CNOT4: variants seen among roughly 807,000 people sequenced by gnomAD.
CNOT4 encodes the protein CCR4-associated factor 4.
In CNOT4, 8 loss-of-function variants were observed where a neutral mutation model predicts 73.8. The observed-to-expected ratio is 0.11, with a 90% CI of 0.06 to 0.20. The LOEUF (loss-of-function observed/expected upper bound fraction) is 0.20, where lower values mean the gene tolerates loss of function less well. Among genes scored for constraint, CNOT4 ranks in the 10% least tolerant of loss-of-function variants. The pLI, the probability that CNOT4 is intolerant of heterozygous loss-of-function variation, is 1.00. For synonymous variants in CNOT4, 293 were observed against 321.1 expected (o/e 0.91, Z 0.94); for missense variants, 564 against 883.4 (o/e 0.64, Z 4.58).
intron 3 of CNOT4, among the ~76,000 whole-genome samples, chr7:135,420,074 C>CT (rs1554431748): frequency 2.6e-5 from 4 of 151,986 alleles, no homozygotes; most frequent in African/African-American, 9.7e-5. Flanking sequence ...ATCACATACC[C>CT]AAAGAGGTAG....
In CNOT4 at chr7:135,413,599, T is replaced by C. The variant is rs1461024699; in HGVS notation, c.576A>G (p.Thr192=). The change falls in exon 6 of 12, where the codon ACA becomes ACG. Residue 192 remains threonine (T), a synonymous_variant. Coordinates refer to ENST00000541284, the MANE Select transcript of CNOT4 (RefSeq NM_001190850.2). ...DGRTLKASLG[T]TKYCSYFLKN... is the part of the protein sequence containing the mutation. ...TTAAGAAGTAACTGCAGTATTTTGT[T>C]GTACCTAGAGATGCCTGCAGGAGGA... is the stretch of plus-strand genomic sequence containing the variant. 2.5e-6 allele frequency: 4 copies of C among 1,610,900 alleles called. No homozygotes were observed. In the African/African-American group the frequency reaches 5.4e-5, roughly 22 times the overall value.
At chr7:135,503,233 G>A (rs1410956018) in intron 1 of CNOT4, among the ~76,000 whole-genome samples, 1 of 152,150 alleles carries the variant, frequency 6.6e-6, no homozygotes, top group Non-Finnish European at 1.5e-5. Flanking sequence ...GGGAGGCTGA[G>A]ATAAGAGGAT....
At chr7:135,467,561 A>G (rs1299321388) in intron 1 of CNOT4, among the ~76,000 whole-genome samples, 47 of 152,112 alleles carry the variant, frequency 3.1e-4, no homozygotes, top group Non-Finnish European at 4.4e-5. Context: ...AATAAAAAAT[A>G]AATTAGCTGA....
chr7:135,438,920 T>G (rs1799314405), intron 1 of CNOT4, among the ~76,000 whole-genome samples: 1 of 152,014 alleles, frequency 6.6e-6, no homozygotes, highest in Admixed American at 6.6e-5. Context: ...TCAGAAAAAC[T>G]CGGATGCCAT....
intron 2 of CNOT4, among the ~76,000 whole-genome samples, chr7:135,433,723 C>G (rs1433343359): frequency 1.3e-5 from 2 of 152,116 alleles, no homozygotes; most frequent in African/African-American, 4.8e-5. Flanking sequence ...AATAATAATA[C>G]TTCTGTTGAA....
intron 1 of CNOT4, among the ~76,000 whole-genome samples, chr7:135,483,960 A>C (rs1435971803): frequency 6.6e-6 from 1 of 152,090 alleles, no homozygotes; most frequent in African/African-American, 2.4e-5. Context: ...TTGGGAGGCC[A>C]AGGTAGGCGG....
intron 1 of CNOT4, among the ~76,000 whole-genome samples, chr7:135,462,524 C>CA (rs1274695358): frequency 6.6e-6 from 1 of 152,200 alleles, no homozygotes. Context: ...CCGCATGTCA[C>CA]AAAGACCCTT....
rs1226013531 is a variant in CNOT4, at chr7:135,509,982, T to C, written c.-186A>G. On this transcript the variant is annotated 5_prime_UTR_variant, in exon 1 of 12. Transcript: ENST00000541284. The stretch of plus-strand genomic sequence containing the variant: ...GAACGAGCGTCGGGGAAAAAACTCT[T>C]CAGAACCGGGCCTGATTGCTTCAGC... 8 of 398,912 alleles carry C rather than the reference T, an allele frequency of 2.0e-5. No homozygotes were observed. The highest frequency in any genetic ancestry group is 3.5e-5 in the Non-Finnish European group (8 of 226,122). The allele number at this position is 398,912 out of a possible 1,614,324, so 24.7% of individuals were successfully genotyped here. A position where few individuals can be genotyped will look rare whatever the true frequency, so the allele number is the denominator to read the frequency against.
At chr7:135,446,327 G>A (rs569925316) in intron 1 of CNOT4, among the ~76,000 whole-genome samples, 7 of 152,114 alleles carry the variant, frequency 4.6e-5, no homozygotes, top group Non-Finnish European at 1.0e-4. Context: ...AAAAATTTCT[G>A]GAAACAGACA....
rs558009303 is a variant in CNOT4, at chr7:135,444,439, T to A, written c.-92-6016A>T. On this transcript the variant is annotated intron_variant, in intron 1 of 11. Coordinates refer to ENST00000541284, the MANE Select transcript of CNOT4 (RefSeq NM_001190850.2). ...TGGAATATTAGAATATATTCAGTCA[T>A]CCTCAGGAACGAGATGGCGGTTCTC... 73 of 766,868 alleles carry A rather than the reference T, an allele frequency of 9.5e-5. 1 individual carries two copies. The East Asian group carries it at 1.7e-3, about 18-fold the overall frequency. The allele number at this position is 766,868 out of a possible 1,614,324, so 47.5% of individuals were successfully genotyped here. A position where few individuals can be genotyped will look rare whatever the true frequency, so the allele number is the denominator to read the frequency against.
At chr7:135,401,828 A>C (rs1280669097) in intron 7 of CNOT4, among the ~76,000 whole-genome samples, 1 of 152,206 alleles carries the variant, frequency 6.6e-6, no homozygotes, top group Non-Finnish European at 1.5e-5. Flanking sequence ...TCACTCATAC[A>C]ATGAAACTGT....
At chr7:135,477,380 G>T (rs552165550) in intron 1 of CNOT4, among the ~76,000 whole-genome samples, 1 of 152,024 alleles carries the variant, frequency 6.6e-6, no homozygotes, top group African/African-American at 2.4e-5. Context: ...TTACTCACTG[G>T]ATGATCAGAA....
In CNOT4 at chr7:135,362,512, C is replaced by G. The variant is rs1470769833; in HGVS notation, c.*373G>C. 1 of 356,292 alleles carries G rather than the reference C, an allele frequency of 2.8e-6. No homozygotes were observed. The highest frequency in any genetic ancestry group is 5.4e-6 in the Non-Finnish European group (1 of 186,216). The allele number at this position is 356,292 out of a possible 1,614,324, so 22.1% of individuals were successfully genotyped here. A position where few individuals can be genotyped will look rare whatever the true frequency, so the allele number is the denominator to read the frequency against. ...ACTTCTGCAGTTGATAATGCATTTACTTGAGCTTTCCTATAGATTAATCGT... is the reference window on the plus strand; with the variant it reads ...ACTTCTGCAGTTGATAATGCATTTAGTTGAGCTTTCCTATAGATTAATCGT... On this transcript the variant is annotated 3_prime_UTR_variant, in exon 12 of 12. Transcript: ENST00000541284.
Position 135,363,332 on chromosome 7 carries a change from A to AACCCC in CNOT4, c.1841-147_1841-146insGGGGT. 1 of 713,020 alleles carries AACCCC rather than the reference A, an allele frequency of 1.4e-6. No individual in the cohort carries two copies. The highest frequency in any genetic ancestry group is 2.3e-6 in the Non-Finnish European group (1 of 431,940). 44.2% of individuals were successfully genotyped at this position (713,020 alleles called of 1,614,324 possible). On this transcript the variant is annotated intron_variant, in intron 11 of 11. Coordinates refer to ENST00000541284, the MANE Select transcript of CNOT4 (RefSeq NM_001190850.2). The surrounding 1 kb of genome is among the most constrained non-coding windows in gnomAD (Gnocchi z 4.3). ...CCTTCCAAATAAGACCTTTTAAACC[A>AACCCC]ATCCTCCCCCAACAACAAAGAACTT...
At chr7:135,401,153 G>A (rs2129483668) in intron 7 of CNOT4, among the ~76,000 whole-genome samples, 1 of 152,268 alleles carries the variant, frequency 6.6e-6, no homozygotes, top group Middle Eastern at 3.4e-3. Flanking sequence ...CGACCAACAG[G>A]TCAGAGTCCT....
intron 10 of CNOT4, among the ~76,000 whole-genome samples, chr7:135,380,465 T>G (rs975802775): frequency 6.6e-6 from 1 of 152,226 alleles, no homozygotes; most frequent in African/African-American, 2.4e-5. Context: ...TTTTTTCCCC[T>G]GCTAAAGTTA....
In CNOT4 at chr7:135,410,700, T is replaced by A. The variant is rs778551673; in HGVS notation, c.688-52A>T. The stretch of plus-strand genomic sequence containing the variant: ...AGTGGGATTCACAAAATGGCTGGTA[T>A]AAAATACTGAATAATCTTCTGAATT... On this transcript the variant is annotated intron_variant, in intron 6 of 11. Coordinates refer to ENST00000541284, the MANE Select transcript of CNOT4 (RefSeq NM_001190850.2). The A allele has an allele frequency of 1.7e-5, 24 of 1,423,532 alleles. No individual in the cohort carries two copies. In the African/African-American group the frequency reaches 2.5e-4, roughly 15 times the overall value. 88.2% of individuals were successfully genotyped at this position (1,423,532 alleles called of 1,614,324 possible). A position where few individuals can be genotyped will look rare whatever the true frequency, so the allele number is the denominator to read the frequency against.
At chr7:135,478,163 A>G (rs1440502701) in intron 1 of CNOT4, among the ~76,000 whole-genome samples, 1 of 152,134 alleles carries the variant, frequency 6.6e-6, no homozygotes, top group Non-Finnish European at 1.5e-5. Flanking sequence ...TATTTGAATG[A>G]AATATTTTAT....
At chr7:135,412,827 T>C (rs1797654521) in intron 6 of CNOT4, among the ~76,000 whole-genome samples, 1 of 151,978 alleles carries the variant, frequency 6.6e-6, no homozygotes, top group East Asian at 1.9e-4. Context: ...TGCTTTGGTA[T>C]AATCCTCATT....
Sources: allele counts gnomAD v4.1 joint callset (sites outside exome capture counted in the v4.1 genomes callset), GRCh38; gene constraint gnomAD v4.1.1; non-coding constraint Gnocchi (gnomAD v3.1); transcripts MANE v1.5; gene names NCBI Gene and HGNC (gene_info 2026-07-23, HGNC 2026-07-21).